Variants in OLFML2A observed in about 807,000 individuals in gnomAD.
OLFML2A encodes the protein olfactomedin like 2A.
A neutral mutation model predicts 60.9 loss-of-function variants in OLFML2A; 47 were observed. The ratio of observed to expected loss-of-function variants is 0.77; its 90% confidence interval spans 0.61 to 0.98. OLFML2A has a LOEUF of 0.98. OLFML2A is among the 50% of genes least tolerant of loss of function. The pLI is 0.00. For missense variants in OLFML2A, 922 were observed against 879.8 expected (o/e 1.05, Z -0.61); for synonymous variants, 372 against 375.0 (o/e 0.99, Z 0.09).
chr9:124,777,307 CT>C lies in OLFML2A; in HGVS notation c.39del (p.Leu14CysfsTer3). ...AAALPPRPLLLLPLVLLLSGR... is the reference protein window; with the variant it reads ...AAALPPRPLLXLPLVLLLSGR... ...CGCCCTCCCGCCCCGGCCGCTGCTC[CT>C]TCTGCCGCTAGTGCTGCTGCTGAGC... On this transcript the variant is annotated frameshift_variant, in exon 1 of 8. Transcript: ENST00000373580. LOFTEE classifies it high-confidence loss of function. The surrounding 1 kb of genome is among the most constrained non-coding windows in gnomAD (Gnocchi z 6.2). The C allele has an allele frequency of 7.7e-7, 1 of 1,294,090 alleles. No homozygotes were observed. The highest frequency in any genetic ancestry group is 9.9e-7 in the Non-Finnish European group (1 of 1,014,542). 80.2% of individuals were successfully genotyped at this position (1,294,090 alleles called of 1,614,324 possible). A position where few individuals can be genotyped will look rare whatever the true frequency, so the allele number is the denominator to read the frequency against.
chr9:124,785,610 C>G (rs1564281591), intron 1 of OLFML2A, among the ~76,000 whole-genome samples: 1 of 151,562 alleles, frequency 6.6e-6, no homozygotes, highest in Non-Finnish European at 1.5e-5. Flanking sequence ...CCATGTTAGC[C>G]AAGATGGTCT....
At chr9:124,785,491 G>T (rs934225347) in intron 1 of OLFML2A, among the ~76,000 whole-genome samples, 2 of 146,288 alleles carry the variant, frequency 1.4e-5, no homozygotes, top group African/African-American at 5.1e-5. Context: ...TCTGCCTCCC[G>T]GGTTCATGCC....
In OLFML2A at chr9:124,795,101, G is replaced by A; in HGVS notation, c.432G>A (p.Lys144=). The part of the protein sequence containing the change: ...DLMKVHAYVH[K]VASQMNTLEE... ...TGAAGGTGCACGCCTACGTCCACAA[G>A]GTGGCCTCCCAGATGAACACACTGG... The change falls in exon 3 of 8, where the codon AAG becomes AAA. Residue 144 remains lysine, a synonymous_variant. Transcript: ENST00000373580. 1 of 1,606,118 alleles carries A rather than the reference G, an allele frequency of 6.2e-7. No homozygotes were observed. Among genetic ancestry groups the A allele is most frequent in the South Asian group, 1.1e-5 (1 of 89,630 alleles).
At chr9:124,809,051 C>A in intron 7 of OLFML2A, among the ~76,000 whole-genome samples, 1 of 151,782 alleles carries the variant, frequency 6.6e-6, no homozygotes, top group Non-Finnish European at 1.5e-5. Flanking sequence ...CCTGTAATCC[C>A]AGCTACTTGG....
rs1220793281 is a variant in OLFML2A, at chr9:124,811,642, G to A, written c.*1230G>A. ...TGGGAACGGGGAGGGAAGAACTGAG[G>A]GTCTGCAGACTGGACTTTTCCTGGC... On this transcript the variant is annotated 3_prime_UTR_variant, in exon 8 of 8. Transcript: ENST00000373580. 1 of 152,230 alleles carries A rather than the reference G, an allele frequency of 6.6e-6. No individual in the cohort carries two copies. Among genetic ancestry groups the A allele is most frequent in the Non-Finnish European group, 1.5e-5 (1 of 68,094 alleles). 9.4% of individuals were successfully genotyped at this position (152,230 alleles called of 1,614,324 possible).
At chr9:124,807,744 G>A in intron 6 of OLFML2A, 37 bp from the exon 7 acceptor site, 2 of 1,553,978 alleles carry the variant, frequency 1.3e-6, no homozygotes. Context: ...GGGCTTGGGG[G>A]TCTGTGTACC....
rs757198301 is a variant in OLFML2A, at chr9:124,804,276, AC to A, written c.1106del (p.Pro369GlnfsTer38). The A allele has an allele frequency of 1.4e-5, 9 of 649,752 alleles. No individual in the cohort carries two copies. The Admixed American group carries it at 2.3e-4, about 17-fold the overall frequency. 40.2% of individuals were successfully genotyped at this position (649,752 alleles called of 1,614,324 possible). A position where few individuals can be genotyped will look rare whatever the true frequency, so the allele number is the denominator to read the frequency against. On this transcript the variant is annotated frameshift_variant, in exon 6 of 8. Coordinates refer to ENST00000373580, the MANE Select transcript of OLFML2A (RefSeq NM_182487.4). LOFTEE classifies it high-confidence loss of function. ...IPATTTTATTTPTPTTSLLPT... is the reference protein window; with the variant it reads ...IPATTTTATTXPTPTTSLLPT... ...TGCCACCACCACCACCGCCACCACC[AC>A]CCCAACCCCCACCACCAGTCTCCTG...
At chr9:124,804,460 A>C in intron 6 of OLFML2A, 118 bp downstream of exon 6, 1 of 973,142 alleles carries the variant, frequency 1.0e-6, no homozygotes, top group South Asian at 1.7e-5. Flanking sequence ...ATGGTAGCTC[A>C]CACCTGTAAC....
Position 124,810,010 on chromosome 9 carries a change from G to C in OLFML2A, c.1557G>C (p.Ser519=). 1.2e-6 allele frequency: 2 copies of C among 1,614,086 alleles called. No individual in the cohort carries two copies. The highest frequency in any genetic ancestry group is 1.3e-5 in the African/African-American group (1 of 75,036). The part of the protein sequence containing the change: ...DTTPWKWRGH[S]DIDFAVDESG... Reference sequence around the variant, plus strand: ...CACCTTGGAAGTGGCGCGGACACTCGGACATTGACTTTGCCGTGGACGAGA... The same window carrying C: ...CACCTTGGAAGTGGCGCGGACACTCCGACATTGACTTTGCCGTGGACGAGA... Residue 519 remains serine, a synonymous_variant, in exon 8 of 8, where the codon TCG becomes TCC. Coordinates refer to ENST00000373580, the MANE Select transcript of OLFML2A (RefSeq NM_182487.4).
At chr9:124,797,271 G>A (rs1470525695) in intron 3 of OLFML2A, among the ~76,000 whole-genome samples, 1 of 152,198 alleles carries the variant, frequency 6.6e-6, no homozygotes, top group Non-Finnish European at 1.5e-5. Context: ...ATGAGCCACT[G>A]CACCCAGCCC....
chr9:124,783,313 A>C (rs1169423776), intron 1 of OLFML2A, among the ~76,000 whole-genome samples: 1 of 152,122 alleles, frequency 6.6e-6, no homozygotes, highest in Non-Finnish European at 1.5e-5. Flanking sequence ...CTCTACAAAA[A>C]ATACAAAAAT....
At chr9:124,778,753 C>T (rs1377030075) in intron 1 of OLFML2A, among the ~76,000 whole-genome samples, 5 of 151,750 alleles carry the variant, frequency 3.3e-5, no homozygotes, top group African/African-American at 7.3e-5. Flanking sequence ...GTGGAGATTG[C>T]GCCAGTGCAC....
chr9:124,809,684 G>A, intron 7 of OLFML2A, 124 bp from the exon 8 acceptor site: 1 of 1,120,464 alleles, frequency 8.9e-7, no homozygotes. Context: ...CCAGCTCCAG[G>A]CACACTGCAC....
rs1842009832 is a variant in OLFML2A, at chr9:124,811,003, C to T, written c.*591C>T. ...GGCTTTGGGCCCCTTAGCCAATGTC[C>T]TTGTCTCTTGTCTTTGGCCAGCCCC... is the stretch of plus-strand genomic sequence containing the variant. On this transcript the variant is annotated 3_prime_UTR_variant, in exon 8 of 8. Transcript: ENST00000373580. 1 of 153,394 alleles carries T rather than the reference C, an allele frequency of 6.5e-6. No homozygotes were observed. The highest frequency in any genetic ancestry group is 6.5e-5 in the Admixed American group (1 of 15,306). 9.5% of individuals were successfully genotyped at this position (153,394 alleles called of 1,614,324 possible). A position where few individuals can be genotyped will look rare whatever the true frequency, so the allele number is the denominator to read the frequency against.
At chr9:124,799,944 C>T (rs142686389) in intron 4 of OLFML2A, among the ~76,000 whole-genome samples, 266 of 152,294 alleles carry the variant, frequency 1.7e-3, no homozygotes, top group Middle Eastern at 6.8e-3. Flanking sequence ...ATTCATCCAA[C>T]CCACCCTGGG....
At chr9:124,799,712 C>A (rs1841738738) in intron 4 of OLFML2A, among the ~76,000 whole-genome samples, 1 of 152,200 alleles carries the variant, frequency 6.6e-6, no homozygotes, top group Non-Finnish European at 1.5e-5. Flanking sequence ...GCCTGGGGAT[C>A]CTGCCAAGGG....
intron 4 of OLFML2A, among the ~76,000 whole-genome samples, chr9:124,800,284 A>G (rs1201582848): frequency 6.6e-6 from 1 of 152,242 alleles, no homozygotes; most frequent in Non-Finnish European, 1.5e-5. Context: ...GCAAGACACA[A>G]GCCACACCAT....
chr9:124,783,134 C>T (rs1002066628), intron 1 of OLFML2A, among the ~76,000 whole-genome samples: 4 of 151,940 alleles, frequency 2.6e-5, no homozygotes, highest in Non-Finnish European at 4.4e-5. Flanking sequence ...CTCCTCCCCA[C>T]GCTCCCTGCC....
At chr9:124,806,820 G>A (rs1841903518) in intron 6 of OLFML2A, among the ~76,000 whole-genome samples, 3 of 152,014 alleles carry the variant, frequency 2.0e-5, no homozygotes, top group Admixed American at 2.0e-4. Context: ...ACATTGGCCA[G>A]GTTTGTCTCA....
Sources: allele counts gnomAD v4.1 joint callset (sites outside exome capture counted in the v4.1 genomes callset), GRCh38; gene constraint gnomAD v4.1.1; non-coding constraint Gnocchi (gnomAD v3.1); transcripts MANE v1.5; gene names NCBI Gene and HGNC (gene_info 2026-07-23, HGNC 2026-07-21).